Variants in DHTKD1 observed in about 807,000 individuals in gnomAD.
DHTKD1 encodes the protein dehydrogenase E1 and transketolase domain containing 1.
A neutral mutation model predicts 101.8 loss-of-function variants in DHTKD1; 78 were observed. The observed-to-expected ratio is 0.77, with a 90% confidence interval of 0.64 to 0.93. The LOEUF is 0.93. Among genes scored for constraint, DHTKD1 ranks in the 40% least tolerant of loss-of-function variants. The pLI is 0.00. For synonymous variants in DHTKD1, 462 were observed against 450.3 expected, an observed-to-expected ratio of 1.03 and a Z score of -0.33; for missense variants, 1,223 against 1,161.7, an observed-to-expected ratio of 1.05 and a Z score of -0.77.
At chr10:12,117,384 G>A (rs1436270898) in intron 13 of DHTKD1, among the ~76,000 whole-genome samples, 1 of 145,728 alleles carries the variant, frequency 6.9e-6, no homozygotes, top group African/African-American at 2.6e-5. Context: ...AGGGAGTCTC[G>A]CTATGTTGCC....
At chr10:12,113,555 G>A (rs1833369247) in intron 13 of DHTKD1, among the ~76,000 whole-genome samples, 1 of 152,108 alleles carries the variant, frequency 6.6e-6, no homozygotes, top group Admixed American at 6.6e-5. Flanking sequence ...TAGGTTTTCT[G>A]TCAATTGTAA....
At chr10:12,076,760 G>A (rs1187622340) in intron 1 of DHTKD1, among the ~76,000 whole-genome samples, 2 of 151,806 alleles carry the variant, frequency 1.3e-5, no homozygotes, top group African/African-American at 4.8e-5. Flanking sequence ...CCGGGTTTAC[G>A]CCATTCTCCT....
Position 12,106,379 on chromosome 10 carries a change from A to T in DHTKD1, c.2030A>T (p.Asp677Val), listed in dbSNP as rs1564396409. The T allele has an allele frequency of 2.5e-6, 4 of 1,614,186 alleles. No individual in the cohort carries two copies. Among genetic ancestry groups the T allele is most frequent in the Non-Finnish European group, 3.4e-6 (4 of 1,180,034 alleles). The change falls in exon 11 of 17, where the codon GAC becomes GTC. Residue 677 changes from aspartate to valine, a missense_variant. Transcript: ENST00000263035. The part of the protein sequence containing the change: ...DFFNGAQIIF[D>V]TFISGGEAKW... ...TTCAATGGTGCCCAGATCATCTTTG[A>T]CACATTCATCTCTGGAGGTTGGTGT... is the stretch of plus-strand genomic sequence containing the variant.
intron 1 of DHTKD1, among the ~76,000 whole-genome samples, chr10:12,075,356 GT>G (rs1387831578): frequency 6.6e-6 from 1 of 151,652 alleles, no homozygotes; most frequent in Admixed American, 6.6e-5. Flanking sequence ...TTTCTGTGGG[GT>G]TTTTTTTGGT....
Position 12,093,285 on chromosome 10 carries a change from T to G in DHTKD1, c.1160-788T>G, listed in dbSNP as rs184435831. 3.7e-3 allele frequency among the ~76,000 whole-genome samples: 569 copies of G among 152,158 alleles called. 4 individuals carry two copies. The highest frequency in any genetic ancestry group is 0.013 in the African/African-American group (541 of 41,540). Reference sequence around the variant, plus strand: ...TCTCAAACTCCTGACCTCAGGTAATTCACCTGCCTCAGCCTCCCAGAGTGC... The same window carrying G: ...TCTCAAACTCCTGACCTCAGGTAATGCACCTGCCTCAGCCTCCCAGAGTGC... On this transcript the variant is annotated intron_variant, in intron 6 of 16. Transcript: ENST00000263035.
intron 11 of DHTKD1, among the ~76,000 whole-genome samples, 155 bp downstream of exon 11, chr10:12,106,551 T>A (rs1294085678): frequency 6.6e-6 from 1 of 151,758 alleles, no homozygotes; most frequent in African/African-American, 2.4e-5. Flanking sequence ...ATGACGGGAG[T>A]GTGGCCACTG....
At chr10:12,093,100 A>G (rs532649695) in intron 6 of DHTKD1, among the ~76,000 whole-genome samples, 6 of 151,302 alleles carry the variant, frequency 4.0e-5, no homozygotes, top group Admixed American at 2.0e-4. Context: ...CTGCAGTGCA[A>G]TGGCGCCATC....
At chr10:12,106,872 G>T (rs181988614) in intron 11 of DHTKD1, among the ~76,000 whole-genome samples, 1,579 of 152,264 alleles carry the variant, frequency 0.01, 13 homozygotes, top group Non-Finnish European at 0.013. Flanking sequence ...AGTGCCTGAG[G>T]GCCTGGACTT....
chr10:12,074,752 A>G (rs1042335454), intron 1 of DHTKD1, among the ~76,000 whole-genome samples: 6 of 151,816 alleles, frequency 4.0e-5, no homozygotes, highest in Admixed American at 3.9e-4. Flanking sequence ...ACAAATAAAC[A>G]GGTCAGGCCT....
rs935377621 is a variant in DHTKD1, at chr10:12,097,965, T to C, written c.1640T>C (p.Met547Thr). Residue 547 changes from methionine (M) to threonine (T), a missense_variant, in exon 8 of 17, where the codon ATG becomes ACG. By Grantham distance (81) the Met-to-Thr change is moderately conservative. Coordinates refer to ENST00000263035, the MANE Select transcript of DHTKD1 (RefSeq NM_018706.7). The stretch of plus-strand genomic sequence containing the variant: ...GTAGAGGTGCCAAGAGAGCTGCAGA[T>C]GCACAGTCACCTGCTGAAGACACAT... ...KSVEVPRELQ[M>T]HSHLLKTHVQ... The C allele has an allele frequency of 1.2e-6, 2 of 1,612,992 alleles. No homozygotes were observed. The highest frequency in any genetic ancestry group is 2.2e-5 in the South Asian group (2 of 91,034).
chr10:12,070,736 G>C (rs772303898), intron 1 of DHTKD1, among the ~76,000 whole-genome samples: 1 of 152,156 alleles, frequency 6.6e-6, no homozygotes, highest in East Asian at 1.9e-4. Flanking sequence ...TGATCCACTG[G>C]CCTTGGCCTC....
intron 2 of DHTKD1, among the ~76,000 whole-genome samples, chr10:12,084,305 A>AT (rs201178846): frequency 0.1 from 11,875 of 118,362 alleles, 598 homozygotes; most frequent in South Asian, 0.16. Context: ...TTGCCACATG[A>AT]TTTTTTTTTT....
intron 1 of DHTKD1, among the ~76,000 whole-genome samples, chr10:12,073,256 C>T (rs1832677328): frequency 6.6e-6 from 1 of 151,304 alleles, no homozygotes; most frequent in Admixed American, 6.6e-5. Flanking sequence ...TGGTATCGAA[C>T]TCCTGACCTC....
At position 12,091,682 on chromosome 10, in the gene DHTKD1, T is replaced by C; in HGVS notation, c.1157T>C (p.Ile386Thr). ...RGRSSLYCSD[I>T]GKLVGCAIIH... Reference sequence around the variant, plus strand: ...AGGTCTTCTTTATACTGCAGTGATATTGGTACGTAACACAGGGAGGAACTG... The same window carrying C: ...AGGTCTTCTTTATACTGCAGTGATACTGGTACGTAACACAGGGAGGAACTG... Residue 386 changes from isoleucine (I) to threonine (T), a missense_variant and splice_region_variant, in exon 6 of 17, where the codon ATT becomes ACT. Coordinates refer to ENST00000263035, the MANE Select transcript of DHTKD1 (RefSeq NM_018706.7). 1.2e-6 allele frequency: 2 copies of C among 1,613,494 alleles called. No homozygotes were observed. The highest frequency in any genetic ancestry group is 2.2e-5 in the South Asian group (2 of 90,950).
intron 1 of DHTKD1, among the ~76,000 whole-genome samples, chr10:12,075,519 C>A (rs1228979694): frequency 6.6e-6 from 1 of 151,978 alleles, no homozygotes. Context: ...GGATTACAGG[C>A]ATGAGCCACT....
chr10:12,092,287 A>C (rs1009555648), intron 6 of DHTKD1, among the ~76,000 whole-genome samples: 1 of 151,968 alleles, frequency 6.6e-6, no homozygotes, highest in Non-Finnish European at 1.5e-5. Flanking sequence ...CCAGCCTATC[A>C]GTGTGATTTT....
At chr10:12,106,437 T>C (rs1339739462) in intron 11 of DHTKD1, 41 bp downstream of exon 11, 2 of 1,607,682 alleles carry the variant, frequency 1.2e-6, no homozygotes, top group East Asian at 2.2e-5. Flanking sequence ...TGGGGGTCCC[T>C]GCGTGGCCCC....
intron 6 of DHTKD1, among the ~76,000 whole-genome samples, chr10:12,093,705 T>A (rs1833025702): frequency 6.6e-6 from 1 of 152,204 alleles, no homozygotes; most frequent in South Asian, 2.1e-4. Flanking sequence ...GACCCTTTTA[T>A]CTCAGGGAGA....
rs373277244 is a variant in DHTKD1, at chr10:12,120,871, G to A, written c.2743G>A (p.Ala915Thr). 115 of 1,613,568 alleles carry A rather than the reference G, an allele frequency of 7.1e-5. No individual in the cohort carries two copies. The highest frequency in any genetic ancestry group is 3.8e-4 in the South Asian group (35 of 91,082). Residue 915 changes from alanine to threonine, a missense_variant, in exon 17 of 17, where the codon GCC becomes ACC. Ala to Thr is a moderately conservative substitution (Grantham distance 58). Transcript: ENST00000263035. ...CTTGCACCAGCATGAAGATATCCTC[G>A]CCAAGACCTTCGCTTGATGATGACT... The part of the protein sequence containing the change: ...VHLHQHEDIL[A>T]KTFA
Sources: allele counts gnomAD v4.1 joint callset (sites outside exome capture counted in the v4.1 genomes callset), GRCh38; gene constraint gnomAD v4.1.1; transcripts MANE v1.5; gene names NCBI Gene and HGNC (gene_info 2026-07-23, HGNC 2026-07-21).